FBXL13: variants seen among roughly 807,000 people sequenced by gnomAD.
FBXL13 encodes the protein F-box and leucine-rich repeat protein 13.
A neutral mutation model predicts 83.6 loss-of-function variants in FBXL13; 67 were observed. The observed-to-expected ratio is 0.80, with a 90% CI of 0.66 to 0.98. FBXL13 has a LOEUF of 0.98. Ranked by LOEUF, FBXL13 falls within the 50% of genes least tolerant of loss-of-function variation. FBXL13 has a pLI of 0.00. For missense variants in FBXL13, 822 were observed against 866.5 expected, an observed-to-expected ratio of 0.95 and a Z score of 0.64; for synonymous variants, 272 against 299.5, an observed-to-expected ratio of 0.91 and a Z score of 0.95.
intron 6 of FBXL13, among the ~76,000 whole-genome samples, chr7:102,974,644 T>C (rs1209829593): frequency 2.0e-5 from 3 of 152,086 alleles, no homozygotes; most frequent in African/African-American, 7.2e-5. Flanking sequence ...TAATTCTTGC[T>C]CACCTGTTCA....
chr7:102,863,814 C>A (rs1807227621), intron 16 of FBXL13, among the ~76,000 whole-genome samples: 1 of 152,128 alleles, frequency 6.6e-6, no homozygotes, highest in Non-Finnish European at 1.5e-5. Flanking sequence ...GTTTGTGGCA[C>A]CACCATGTTC....
intron 11 of FBXL13, among the ~76,000 whole-genome samples, chr7:102,899,009 G>C (rs112803814): frequency 6.6e-6 from 1 of 152,004 alleles, no homozygotes; most frequent in South Asian, 2.1e-4. Context: ...CTCCATCTTC[G>C]GGTTCAAGCG....
chr7:103,029,472 A>G (rs1378640724), intron 2 of FBXL13, 54 bp from the exon 4 acceptor site: 23 of 1,008,414 alleles, frequency 2.3e-5, no homozygotes, highest in Non-Finnish European at 3.3e-5. Context: ...TGGAATGCAC[A>G]GACTACCTCT....
At chr7:102,986,918 T>TACACACACACACAC (rs140052493) in intron 6 of FBXL13, among the ~76,000 whole-genome samples, 1 of 148,402 alleles carries the variant, frequency 6.7e-6, no homozygotes, top group East Asian at 2.0e-4. Flanking sequence ...GAAAATGTGA[T>TACACACACACACAC]ACACACACAC....
At chr7:103,043,978 A>G (rs896455445) in intron 2 of FBXL13, among the ~76,000 whole-genome samples, 5 of 152,220 alleles carry the variant, frequency 3.3e-5, no homozygotes, top group Non-Finnish European at 7.3e-5. Flanking sequence ...AGGAGTCAAG[A>G]TTCATTAAAA....
chr7:103,003,834 C>T (rs1473621507), intron 6 of FBXL13, among the ~76,000 whole-genome samples: 1 of 152,194 alleles, frequency 6.6e-6, no homozygotes, highest in Non-Finnish European at 1.5e-5. Context: ...GCCTTGACCT[C>T]CTAAAGTGCT....
intron 8 of FBXL13, among the ~76,000 whole-genome samples, chr7:102,959,655 T>C (rs909996058): frequency 6.6e-6 from 1 of 152,042 alleles, no homozygotes; most frequent in Non-Finnish European, 1.5e-5. Flanking sequence ...TTTTGAAATA[T>C]ATTGTTTATT....
chr7:102,887,469 G>GGA (rs1810954798), intron 11 of FBXL13, among the ~76,000 whole-genome samples: 1 of 151,938 alleles, frequency 6.6e-6, no homozygotes, highest in Non-Finnish European at 1.5e-5. Context: ...GTGTGTGTAT[G>GGA]GAGAGAGAAA....
intron 1 of FBXL13, among the ~76,000 whole-genome samples, chr7:103,065,943 C>T (rs763569518): frequency 1.2e-4 from 19 of 152,224 alleles, no homozygotes; most frequent in Non-Finnish European, 2.5e-4. Flanking sequence ...CACACATGCT[C>T]CTGGAAGCTG....
chr7:103,008,742 G>C (rs1384192889), intron 6 of FBXL13, among the ~76,000 whole-genome samples: 1 of 152,142 alleles, frequency 6.6e-6, no homozygotes, highest in East Asian at 1.9e-4. Context: ...ATTTTTAGGA[G>C]AGACAGAGTT....
intron 16 of FBXL13, among the ~76,000 whole-genome samples, chr7:102,855,898 T>TA (rs1273039300): frequency 0.046 from 6,424 of 139,250 alleles, 458 homozygotes; most frequent in African/African-American, 0.15. Flanking sequence ...GGCCTTCTCA[T>TA]AAAAAAAAAA....
At chr7:102,890,485 C>T (rs1811399157) in intron 11 of FBXL13, among the ~76,000 whole-genome samples, 2 of 152,210 alleles carry the variant, frequency 1.3e-5, no homozygotes, top group African/African-American at 2.4e-5. Flanking sequence ...GCTACTGCTG[C>T]TGATGGGGGC....
chr7:102,851,437 T>TTCTCTCCTTCCCTCCCTCTCCC (rs1805203906), intron 17 of FBXL13, among the ~76,000 whole-genome samples: 1 of 143,984 alleles, frequency 6.9e-6, no homozygotes, highest in African/African-American at 2.7e-5. Flanking sequence ...TCTCTCTTTC[T>TTCTCTCCTTCCCTCCCTCTCCC]TCCCTCCTTC....
intron 12 of FBXL13, 34 bp downstream of exon 13, chr7:102,884,180 G>T: frequency 7.0e-7 from 1 of 1,437,404 alleles, no homozygotes; most frequent in South Asian, 1.1e-5. Flanking sequence ...TATCTTATGG[G>T]ACAGAAAAGT....
At chr7:102,913,005 T>C in intron 11 of FBXL13, 81 bp downstream of exon 12, 1 of 1,586,360 alleles carries the variant, frequency 6.3e-7, no homozygotes, top group South Asian at 1.1e-5. Flanking sequence ...ACAGCATTAG[T>C]ATAACGTGAG....
At chr7:103,028,478 G>T in intron 4 of FBXL13, 122 bp downstream of exon 5, 1 of 598,740 alleles carries the variant, frequency 1.7e-6, no homozygotes, top group Non-Finnish European at 2.6e-6. Context: ...TTCATTTCAT[G>T]ACAATTGTCT....
chr7:103,050,521 C>T (rs748734205), intron 2 of FBXL13, among the ~76,000 whole-genome samples: 1 of 152,180 alleles, frequency 6.6e-6, no homozygotes, highest in Non-Finnish European at 1.5e-5. Context: ...TCAGATGGCC[C>T]CTGTCATCTT....
At chr7:102,974,846 G>A (rs2129482737) in intron 6 of FBXL13, among the ~76,000 whole-genome samples, 1 of 151,726 alleles carries the variant, frequency 6.6e-6, no homozygotes, top group East Asian at 1.9e-4. Flanking sequence ...CTTCCCAGTC[G>A]CCATCTTCCC....
At position 102,854,050 on chromosome 7, in the gene FBXL13, C is replaced by T. The variant is rs374919097; in HGVS notation, c.1719+727G>A. On this transcript the variant is annotated intron_variant, in intron 17 of 19. Coordinates refer to ENST00000313221, the Ensembl canonical transcript of FBXL13. ...ATACCCAAAGGACTATAAATCATGCCGCTATAAAGACACATGCACATGTAT... is the reference window on the plus strand; with the variant it reads ...ATACCCAAAGGACTATAAATCATGCTGCTATAAAGACACATGCACATGTAT... 7.4e-4 allele frequency among the ~76,000 whole-genome samples: 112 copies of T among 152,002 alleles called. 2 individuals carry two copies. The highest frequency in any genetic ancestry group is 2.3e-3 in the African/African-American group (97 of 41,414).
Sources: gnomAD v4.1 joint callset for allele counts (sites outside exome capture counted in the v4.1 genomes callset) on GRCh38, gnomAD v4.1.1 for gene constraint, MANE v1.5 for transcripts, NCBI Gene and HGNC (gene_info 2026-07-23, HGNC 2026-07-21) for gene names.